The following RORA variants were observed in gnomAD, a reference collection of about 807,000 sequenced individuals.
RORA encodes nuclear receptor ROR-alpha.
In RORA, 7 loss-of-function variants were observed where a neutral mutation model predicts 69.5. The ratio of observed to expected loss-of-function variants is 0.10; its 90% CI spans 0.06 to 0.19. The LOEUF (loss-of-function observed/expected upper bound fraction) is 0.19. Among genes scored for constraint, RORA ranks in the 10% least tolerant of loss-of-function variants. RORA has a pLI of 1.00. For missense variants in RORA, 457 were observed against 663.0 expected (o/e 0.69, Z 3.41); for synonymous variants, 261 against 240.8 (o/e 1.08, Z -0.78).
At chr15:60,808,729 T>A (rs2072697047) in intron 1 of RORA, among the ~76,000 whole-genome samples, 2 of 149,752 alleles carry the variant, frequency 1.3e-5, no homozygotes, top group African/African-American at 4.9e-5. Context: ...ACATAATTTA[T>A]ATATATGTTT....
intron 3 of RORA, among the ~76,000 whole-genome samples, chr15:60,516,173 T>A (rs868248196): frequency 2.9e-5 from 1 of 34,724 alleles, no homozygotes; most frequent in African/African-American, 1.0e-4. Flanking sequence ...ATATATATAT[T>A]TATATATATA....
intron 1 of RORA, among the ~76,000 whole-genome samples, chr15:60,862,210 T>C (rs1376032982): frequency 1.3e-5 from 2 of 152,226 alleles, no homozygotes; most frequent in Non-Finnish European, 2.9e-5. Context: ...AAGGAAGTCC[T>C]TGATTTTCAC....
At position 60,764,666 on chromosome 15, in the gene RORA, A is replaced by C. The variant is rs370447272; in HGVS notation, c.167-85980T>G. ...TCATTGGCTAAAAGGGATCAAACTT[A>C]TCTGAGCTTTCATCTGGATATGTAT... On this transcript the variant is annotated intron_variant, in intron 1 of 10. Transcript: ENST00000335670. 5 of 152,210 alleles carry C rather than the reference A, an allele frequency of 3.3e-5. No individual in the cohort carries two copies. The East Asian group carries it at 7.7e-4, about 23-fold the overall frequency. The allele number at this position is 152,210 out of a possible 1,614,324, so 9.4% of individuals were successfully genotyped here.
chr15:60,558,332 CA>C, intron 2 of RORA: 5 of 1,520,992 alleles, frequency 3.3e-6, no homozygotes, highest in South Asian at 1.1e-5. Context: ...TAGCCTATCT[CA>C]AAAAAGCTAC....
intron 1 of RORA, among the ~76,000 whole-genome samples, chr15:60,811,381 T>C (rs2072740752): frequency 6.6e-6 from 1 of 152,252 alleles, no homozygotes; most frequent in East Asian, 1.9e-4. Context: ...CTGTATCTGA[T>C]AAGTCAGTTA....
intron 1 of RORA, chr15:60,764,116 A>G (rs4775296): frequency 0.38 from 57,782 of 152,026 alleles, 13,154 homozygotes; most frequent in Non-Finnish European, 0.51. Context: ...AGAAATTAAG[A>G]AAGGCAAGAG....
At chr15:60,887,534 G>A (rs558295629) in intron 1 of RORA, among the ~76,000 whole-genome samples, 2 of 152,310 alleles carry the variant, frequency 1.3e-5, no homozygotes, top group East Asian at 1.9e-4. Flanking sequence ...TGACAAAGAA[G>A]CAGGCGGACA....
intron 2 of RORA, among the ~76,000 whole-genome samples, chr15:60,659,751 C>G (rs1281328418): frequency 6.6e-6 from 1 of 152,106 alleles, no homozygotes; most frequent in East Asian, 1.9e-4. Flanking sequence ...AAAAAGAACT[C>G]AGTCAAACAT....
chr15:60,947,768 G>C (rs1892941520), intron 1 of RORA, among the ~76,000 whole-genome samples: 1 of 150,836 alleles, frequency 6.6e-6, no homozygotes, highest in Non-Finnish European at 1.5e-5. Flanking sequence ...CTAGTGCAAA[G>C]TGCAGTCTTG....
chr15:60,675,229 C>T (rs1004798469), intron 2 of RORA, among the ~76,000 whole-genome samples: 5 of 152,102 alleles, frequency 3.3e-5, no homozygotes, highest in Admixed American at 2.0e-4. Context: ...CAGCTGATTC[C>T]GAAAATGATA....
At chr15:60,839,575 T>C (rs938924935) in intron 1 of RORA, among the ~76,000 whole-genome samples, 1 of 152,206 alleles carries the variant, frequency 6.6e-6, no homozygotes, top group African/African-American at 2.4e-5. Context: ...AATCACACCC[T>C]TACTCACTGC....
intron 1 of RORA, among the ~76,000 whole-genome samples, chr15:60,684,088 CTT>C (rs577772010): frequency 1.6e-3 from 242 of 150,762 alleles, no homozygotes; most frequent in East Asian, 0.015. Context: ...GTTAATTTTA[CTT>C]TTTTTTCTTT....
At chr15:60,819,898 TC>T (rs2072871362) in intron 1 of RORA, among the ~76,000 whole-genome samples, 1 of 152,114 alleles carries the variant, frequency 6.6e-6, no homozygotes, top group South Asian at 2.1e-4. Context: ...CTTAAGTGAA[TC>T]CCTGTGTTCT....
chr15:60,624,471 C>CCTATATATATATATATAT (rs2069509305), intron 2 of RORA, among the ~76,000 whole-genome samples: 1 of 73,580 alleles, frequency 1.4e-5, no homozygotes, highest in Non-Finnish European at 2.4e-5. Context: ...CCATTTGCTG[C>CCTATATATATATATATAT]ATATATATAT....
chr15:60,909,535 A>G (rs767365202), intron 1 of RORA, among the ~76,000 whole-genome samples: 1 of 152,202 alleles, frequency 6.6e-6, no homozygotes, highest in Non-Finnish European at 1.5e-5. Context: ...AGAAAGATGT[A>G]CTCTGAAAAA....
chr15:60,896,783 A>G (rs1891243093), intron 1 of RORA, among the ~76,000 whole-genome samples: 1 of 148,274 alleles, frequency 6.7e-6, no homozygotes, highest in African/African-American at 2.5e-5. Flanking sequence ...TAGGGTTGGA[A>G]TGACACAGGC....
intron 1 of RORA, among the ~76,000 whole-genome samples, chr15:60,701,793 A>G (rs6494217): frequency 0.69 from 105,007 of 151,974 alleles, 38,320 homozygotes; most frequent in Admixed American, 0.83. Context: ...TGACCTCAGA[A>G]GTCTGGAGGG....
chr15:61,135,591 A>AAC (rs1198959733), intron 1 of RORA, among the ~76,000 whole-genome samples: 2 of 150,812 alleles, frequency 1.3e-5, no homozygotes, highest in African/African-American at 4.9e-5. Flanking sequence ...AAAAAAAAAA[A>AAC]AAAAAAACCA....
At chr15:60,956,406 G>T (rs1893269319) in intron 1 of RORA, among the ~76,000 whole-genome samples, 2 of 152,172 alleles carry the variant, frequency 1.3e-5, no homozygotes, top group African/African-American at 4.8e-5. Flanking sequence ...CAGGTAATTT[G>T]TCCAAGGTCA....
Sources: allele counts gnomAD v4.1 joint callset (sites outside exome capture counted in the v4.1 genomes callset), GRCh38; gene constraint gnomAD v4.1.1; transcripts MANE v1.5; gene names NCBI Gene and HGNC (gene_info 2026-07-23, HGNC 2026-07-21).